Variants in ABTB3 observed in about 807,000 individuals in gnomAD.
ABTB3 encodes ankyrin repeat and BTB domain containing 3, also known as ankyrin repeat- and BTB/POZ domain-containing protein 3.
At chr12:107,622,086 C>CAA in the ABTB3 span, among the ~76,000 whole-genome samples, 171 of 151,968 alleles carry the variant, frequency 1.1e-3, 1 homozygote, top group African/African-American at 3.9e-3. Flanking sequence ...ACAAGAAATA[C>CAA]AAAAAAATAG....
chr12:107,477,914 A>G, the ABTB3 span, among the ~76,000 whole-genome samples: 1 of 152,208 alleles, frequency 6.6e-6, no homozygotes, highest in Non-Finnish European at 1.5e-5. Context: ...ATACTGTCCC[A>G]GTTATCATCA....
the ABTB3 span, among the ~76,000 whole-genome samples, chr12:107,419,212 C>T: frequency 6.6e-6 from 1 of 152,228 alleles, no homozygotes; most frequent in Admixed American, 6.5e-5. Flanking sequence ...GAATGAGGCC[C>T]ACATGGCTGT....
the ABTB3 span, among the ~76,000 whole-genome samples, chr12:107,600,437 T>A: frequency 6.6e-6 from 1 of 152,184 alleles, no homozygotes; most frequent in Non-Finnish European, 1.5e-5. Flanking sequence ...GAAAGCTGTT[T>A]GTAAATGTTT....
At chr12:107,399,333 G>A in the ABTB3 span, among the ~76,000 whole-genome samples, 4 of 152,122 alleles carry the variant, frequency 2.6e-5, no homozygotes, top group African/African-American at 4.8e-5. Context: ...GGATGTCAGG[G>A]AACACTGTGG....
chr12:107,319,056 C>G, the ABTB3 span: 1 of 1,613,578 alleles, frequency 6.2e-7, no homozygotes, highest in East Asian at 2.2e-5. Context: ...TTGTGCTGTT[C>G]CGACTCGCAC....
chr12:107,373,747 C>T, the ABTB3 span, among the ~76,000 whole-genome samples: 1 of 152,184 alleles, frequency 6.6e-6, no homozygotes, highest in African/African-American at 2.4e-5. Context: ...ACCCTGGAGC[C>T]CAGGTGTCTG....
At chr12:107,638,808 A>G in the ABTB3 span, among the ~76,000 whole-genome samples, 55 of 152,350 alleles carry the variant, frequency 3.6e-4, no homozygotes, top group African/African-American at 1.2e-3. Context: ...AGAAGGAGAA[A>G]CTGAGGCATG....
chr12:107,469,952 CTT>C, the ABTB3 span, among the ~76,000 whole-genome samples: 488 of 60,352 alleles, frequency 8.1e-3, 33 homozygotes, highest in African/African-American at 0.028. Flanking sequence ...CTCTTTCTTT[CTT>C]TCTTTCTTTC....
At chr12:107,637,013 C>T in the ABTB3 span, among the ~76,000 whole-genome samples, 1 of 152,226 alleles carries the variant, frequency 6.6e-6, no homozygotes, top group Non-Finnish European at 1.5e-5. Context: ...TGGCTCACGC[C>T]TGTAATCCCA....
the ABTB3 span, among the ~76,000 whole-genome samples, chr12:107,406,050 T>C: frequency 1.3e-5 from 2 of 152,236 alleles, no homozygotes; most frequent in African/African-American, 2.4e-5. Context: ...GGGTTCTAGT[T>C]CTGGCTTTGC....
the ABTB3 span, among the ~76,000 whole-genome samples, chr12:107,571,407 A>G: frequency 2.0e-5 from 3 of 152,218 alleles, no homozygotes. Context: ...TTCCTTTGTA[A>G]GGCTGTGTGC....
chr12:107,364,028 C>T, the ABTB3 span, among the ~76,000 whole-genome samples: 3 of 152,154 alleles, frequency 2.0e-5, no homozygotes, highest in Non-Finnish European at 4.4e-5. Context: ...GATTTTGTTA[C>T]GATAAGCTGG....
chr12:107,373,549 A>G, the ABTB3 span, among the ~76,000 whole-genome samples: 1 of 152,206 alleles, frequency 6.6e-6, no homozygotes, highest in Non-Finnish European at 1.5e-5. Context: ...GACACACAGT[A>G]GTAGATGCTT....
At chr12:107,319,436 A>G in the ABTB3 span, 7 of 1,607,212 alleles carry the variant, frequency 4.4e-6, no homozygotes, top group African/African-American at 2.7e-5. Context: ...CCAGAGCGCC[A>G]TGGAGATCGT....
chr12:107,643,956 G>A, the ABTB3 span, among the ~76,000 whole-genome samples: 3 of 151,906 alleles, frequency 2.0e-5, no homozygotes, highest in African/African-American at 7.3e-5. Flanking sequence ...TAGAGATTGG[G>A]TTTTGCCATG....
chr12:107,489,297 G>T, the ABTB3 span, among the ~76,000 whole-genome samples: 1 of 152,148 alleles, frequency 6.6e-6, no homozygotes, highest in Non-Finnish European at 1.5e-5. Context: ...AAGGCAGGCG[G>T]ATCACTTGAG....
At chr12:107,492,797 C>A in the ABTB3 span, among the ~76,000 whole-genome samples, 3 of 152,110 alleles carry the variant, frequency 2.0e-5, no homozygotes, top group Admixed American at 1.3e-4. Context: ...TAGGGGACAG[C>A]CACAGGGAAA....
chr12:107,588,577 G>A, the ABTB3 span, among the ~76,000 whole-genome samples: 4 of 152,292 alleles, frequency 2.6e-5, no homozygotes, highest in Admixed American at 1.3e-4. Flanking sequence ...CTGGAGTGCA[G>A]TGGCATGATC....
the ABTB3 span, among the ~76,000 whole-genome samples, chr12:107,492,122 C>T: frequency 5.9e-5 from 9 of 152,082 alleles, 1 homozygote; most frequent in South Asian, 1.2e-3. Flanking sequence ...TGCAGCCTCA[C>T]GCTGATTCGC....
Sources: gnomAD v4.1 joint callset for allele counts (sites outside exome capture counted in the v4.1 genomes callset) on GRCh38, gnomAD v4.1.1 for gene constraint, MANE v1.5 for transcripts, NCBI Gene and HGNC (gene_info 2026-07-23, HGNC 2026-07-21) for gene names.